The following ZNF560 variants were observed in gnomAD, a reference collection of about 807,000 sequenced individuals.
The protein encoded by ZNF560 is zinc finger protein 560.
A neutral mutation model predicts 81.8 loss-of-function variants in ZNF560; 54 were observed. That is an observed-to-expected ratio of 0.66 (90% confidence interval 0.53 to 0.83). The LOEUF (loss-of-function observed/expected upper bound fraction) is 0.83. ZNF560 is among the 40% of genes least tolerant of loss of function. The pLI, the probability that ZNF560 is intolerant of heterozygous loss-of-function variation, is 0.00. For missense variants in ZNF560, 940 were observed against 932.4 expected, an observed-to-expected ratio of 1.01 and a Z score of -0.11; for synonymous variants, 321 against 317.9, an observed-to-expected ratio of 1.01 and a Z score of -0.10.
intron 2 of ZNF560, among the ~76,000 whole-genome samples, chr19:9,480,543 C>G (rs2073270967): frequency 6.6e-6 from 1 of 151,166 alleles, no homozygotes; most frequent in Non-Finnish European, 1.5e-5. Context: ...TAATAAAGAC[C>G]AGAACTGAAA....
rs537538671 is a variant in ZNF560, at chr19:9,468,753, G to C, written c.612+352C>G. ...TTTTTTTTTTTTTTTTTTGAGATGG[G>C]GTTACGCTCTGTTGCCCAGGCTGTA... On this transcript the variant is annotated intron_variant, in intron 9 of 9. Coordinates refer to ENST00000301480, the MANE Select transcript of ZNF560 (RefSeq NM_152476.3). Among the ~76,000 whole-genome samples the C allele has an allele frequency of 4.1e-5, 6 of 147,064 alleles. No individual in the cohort carries two copies. In the East Asian group the frequency reaches 9.8e-4, roughly 24 times the overall value.
At chr19:9,483,772 C>T (rs1233168862) in intron 2 of ZNF560, among the ~76,000 whole-genome samples, 2 of 151,808 alleles carry the variant, frequency 1.3e-5, no homozygotes, top group African/African-American at 4.8e-5. Flanking sequence ...TCTGCCCGGC[C>T]GCCACCCCAT....
intron 4 of ZNF560, among the ~76,000 whole-genome samples, chr19:9,473,710 C>A (rs113544095): frequency 0.02 from 2,954 of 149,152 alleles, 101 homozygotes; most frequent in African/African-American, 0.071. Context: ...TATTTCTGTG[C>A]ACCCCAAAAT....
At chr19:9,461,376 G>A (rs1299991461), downstream of ZNF560, among the ~76,000 whole-genome samples, 1 of 152,232 alleles carries the variant, frequency 6.6e-6, no homozygotes, top group Non-Finnish European at 1.5e-5. Flanking sequence ...GGTTACCGGC[G>A]AAGCTTTCCC....
chr19:9,461,851 C>G (rs967210133), downstream of ZNF560, among the ~76,000 whole-genome samples: 4 of 152,200 alleles, frequency 2.6e-5, no homozygotes, highest in Non-Finnish European at 5.9e-5. Flanking sequence ...ATTAAGAGAA[C>G]AAATATTTCA....
chr19:9,505,731 A>G, the ZNF560 span, among the ~76,000 whole-genome samples: 1 of 152,080 alleles, frequency 6.6e-6, no homozygotes, highest in Non-Finnish European at 1.5e-5. Flanking sequence ...TCCAGGCTAG[A>G]GTGCAGTGGC....
At chr19:9,500,807 C>A (rs904236767), upstream of ZNF560, among the ~76,000 whole-genome samples, 3 of 152,054 alleles carry the variant, frequency 2.0e-5, no homozygotes, top group African/African-American at 7.2e-5. Flanking sequence ...CAACTCCTGA[C>A]CTCATGATCC....
At position 9,466,702 on chromosome 19, in the gene ZNF560, A is replaced by G. The variant is rs1355870755; in HGVS notation, c.2245T>C (p.Phe749Leu). 1 of 1,614,154 alleles carries G rather than the reference A, an allele frequency of 6.2e-7. No individual in the cohort carries two copies. Among genetic ancestry groups the G allele is most frequent in the South Asian group, 1.1e-5 (1 of 91,082 alleles). The change falls in exon 10 of 10, where the codon TTC (phenylalanine) becomes CTC (leucine). Residue 749 changes from phenylalanine to leucine, a missense_variant. Transcript: ENST00000301480. ...PYKCKECGKA[F>L]RTSSGRIQHL... ...TGAATACGTCCTGAGGATGTACGGAAGGCCTTCCCACATTCCTTACATTTA... is the reference window on the plus strand; with the variant it reads ...TGAATACGTCCTGAGGATGTACGGAGGGCCTTCCCACATTCCTTACATTTA...
rs373625476 is a variant in ZNF560 at position 9,468,157 on chromosome 19, C to A, written c.790G>T (p.Val264Phe). The part of the protein sequence containing the change: ...LYNKTSTIRK[V>F]SVFSKHGKSF... ...TTTCCATGCTTACTGAACACAGAAA[C>A]TTTCCTTATGGTAGAGGTTTTATTG... is the stretch of plus-strand genomic sequence containing the variant. The change falls in exon 10 of 10, where the codon GTT (valine) becomes TTT (phenylalanine). Residue 264 changes from valine (V) to phenylalanine (F), a missense_variant. Transcript: ENST00000301480. 3.7e-6 allele frequency: 6 copies of A among 1,614,084 alleles called. No homozygotes were observed. The African/African-American group carries it at 8.0e-5, about 22-fold the overall frequency.
chr19:9,458,401 A>C, the ZNF560 span, among the ~76,000 whole-genome samples: 1 of 152,240 alleles, frequency 6.6e-6, no homozygotes, highest in Non-Finnish European at 1.5e-5. Context: ...ATTGAAAGGT[A>C]AAGTTTTTCA....
the ZNF560 span, among the ~76,000 whole-genome samples, chr19:9,458,571 A>T: frequency 3.3e-5 from 5 of 152,236 alleles, no homozygotes; most frequent in African/African-American, 1.2e-4. Context: ...AGAGCAACTG[A>T]TGACTTTATT....
At chr19:9,472,941 G>C (rs987903035) in intron 5 of ZNF560, among the ~76,000 whole-genome samples, 2 of 152,096 alleles carry the variant, frequency 1.3e-5, no homozygotes, top group African/African-American at 4.8e-5. Context: ...CATGTAATTT[G>C]TCTGCTCCTC....
chr19:9,490,917 T>C (rs930799443), intron 2 of ZNF560, among the ~76,000 whole-genome samples: 2 of 152,216 alleles, frequency 1.3e-5, no homozygotes, highest in Non-Finnish European at 2.9e-5. Context: ...TCATAACTTA[T>C]ATCAATTCTC....
chr19:9,475,210 T>A (rs543958307), intron 3 of ZNF560, 74 bp downstream of exon 3: 10 of 1,519,386 alleles, frequency 6.6e-6, no homozygotes, highest in Non-Finnish European at 9.1e-6. Flanking sequence ...TGGAGACACA[T>A]CTGCCTAGAA....
At chr19:9,474,768 C>A (rs2073173865) in intron 3 of ZNF560, among the ~76,000 whole-genome samples, 1 of 151,608 alleles carries the variant, frequency 6.6e-6, no homozygotes, top group African/African-American at 2.4e-5. Flanking sequence ...AAGTGATCGT[C>A]CTGCCTCAGC....
chr19:9,498,861 C>A (rs1448455569), upstream of ZNF560: 4 of 152,240 alleles, frequency 2.6e-5, no homozygotes, highest in African/African-American at 7.2e-5. Flanking sequence ...GGGACCAGAC[C>A]CAGCCGGTGG....
the ZNF560 span, among the ~76,000 whole-genome samples, chr19:9,503,925 A>C: frequency 6.6e-6 from 1 of 152,250 alleles, no homozygotes; most frequent in Non-Finnish European, 1.5e-5. Context: ...CAGAATAATT[A>C]AACGAAGCTA....
At chr19:9,465,129 A>AT (rs887659069), downstream of ZNF560, among the ~76,000 whole-genome samples, 14,008 of 129,382 alleles carry the variant, frequency 0.11, 1,039 homozygotes, top group African/African-American at 0.18. Flanking sequence ...AAAGCTATTG[A>AT]TTTTTTTTTT....
chr19:9,492,284 A>G (rs2073485946), intron 2 of ZNF560, among the ~76,000 whole-genome samples: 1 of 152,136 alleles, frequency 6.6e-6, no homozygotes, highest in South Asian at 2.1e-4. Flanking sequence ...CAAGATGATT[A>G]CATTGGACCA....
Sources: gnomAD v4.1 joint callset for allele counts (sites outside exome capture counted in the v4.1 genomes callset) on GRCh38, gnomAD v4.1.1 for gene constraint, MANE v1.5 for transcripts, NCBI Gene and HGNC (gene_info 2026-07-23, HGNC 2026-07-21) for gene names.